ANLN: variants seen among roughly 807,000 people sequenced by gnomAD.
ANLN encodes anillin, actin binding protein.
ANLN carries 59 observed loss-of-function variants against 135.1 expected under a neutral mutation model. That is an observed-to-expected ratio of 0.44 (90% CI 0.35 to 0.54). The LOEUF is 0.54. Ranked by LOEUF, ANLN falls within the 20% of genes least tolerant of loss-of-function variation. The pLI, the probability that ANLN is intolerant of heterozygous loss-of-function variation, is 0.00. For synonymous variants in ANLN, 406 were observed against 456.4 expected, an observed-to-expected ratio of 0.89 and a Z score of 1.41; for missense variants, 1,182 against 1,340.0, an observed-to-expected ratio of 0.88 and a Z score of 1.84.
Position 36,389,910 on chromosome 7 carries a change from GT to G in ANLN, c.-115del, listed in dbSNP as rs1786346011. 6.3e-7 allele frequency: 1 copy of G among 1,586,114 alleles called. No individual in the cohort carries two copies. Among genetic ancestry groups the G allele is most frequent in the Non-Finnish European group, 8.6e-7 (1 of 1,158,298 alleles). ...GGAGAGGACAGCTGGTTGTGGGAGA[GT>G]TCCCCCGCCTCAGACTCCTGGTTTT... On this transcript the variant is annotated 5_prime_UTR_variant, in exon 1 of 24. Transcript: ENST00000265748.
intron 22 of ANLN, among the ~76,000 whole-genome samples, chr7:36,447,084 C>G (rs546360071): frequency 4.6e-5 from 7 of 152,310 alleles, no homozygotes; most frequent in Non-Finnish European, 8.8e-5. Context: ...ATGTCTTACA[C>G]CCACAAATTT....
intron 3 of ANLN, among the ~76,000 whole-genome samples, chr7:36,401,486 A>G (rs60432019): frequency 0.093 from 14,157 of 152,218 alleles, 778 homozygotes; most frequent in East Asian, 0.16. Context: ...TTACAGGCAC[A>G]TGCCATCACA....
At position 36,421,969 on chromosome 7, in the gene ANLN, C is replaced by T; in HGVS notation, c.2276C>T (p.Ala759Val). Residue 759 changes from alanine (A) to valine (V), a missense_variant, in exon 13 of 24, where the codon GCA becomes GTA. Coordinates refer to ENST00000265748, the MANE Select transcript of ANLN (RefSeq NM_018685.5). ...HGKGSLEEAE[A>V]ERLLLIATGK... ...AAAGGGTCCCTAGAAGAAGCTGAAG[C>T]AGAAAGACTTCTTCTAATTGCAAGT... 6.2e-7 allele frequency: 1 copy of T among 1,613,228 alleles called. No homozygotes were observed. The highest frequency in any genetic ancestry group is 8.5e-7 in the Non-Finnish European group (1 of 1,179,626).
rs1787677898 is a variant in ANLN, at chr7:36,417,157, G to A, written c.1600G>A (p.Val534Ile). 6.2e-7 allele frequency: 1 copy of A among 1,608,050 alleles called. No homozygotes were observed. Among genetic ancestry groups the A allele is most frequent in the Non-Finnish European group, 8.5e-7 (1 of 1,177,728 alleles). The change falls in exon 9 of 24, where the codon GTA becomes ATA. Residue 534 changes from valine to isoleucine, a missense_variant. Coordinates refer to ENST00000265748, the MANE Select transcript of ANLN (RefSeq NM_018685.5). ...LFLEEDKSLK[V>I]TSDPKVEQKI... ...TTTAGAAGAGGACAAATCCTTAAAA[G>A]TAACATCAGACCCAAAGGTTGAGCA...
intron 22 of ANLN, among the ~76,000 whole-genome samples, chr7:36,445,161 C>CTTTTTTTTTTTTTTTTTTTT (rs70977145): frequency 5.2e-5 from 3 of 57,822 alleles, no homozygotes; most frequent in Non-Finnish European, 9.5e-5. Context: ...ATTTGGGATT[C>CTTTTTTTTTTTTTTTTTTTT]TTTTTTTTTT....
intron 21 of ANLN, among the ~76,000 whole-genome samples, chr7:36,442,638 A>G (rs1048645807): frequency 3.3e-5 from 5 of 151,476 alleles, no homozygotes; most frequent in Admixed American, 2.0e-4. Flanking sequence ...TTATATTTTT[A>G]TATATTTTTT....
intron 3 of ANLN, among the ~76,000 whole-genome samples, chr7:36,403,205 A>G (rs1787034788): frequency 1.3e-5 from 2 of 152,340 alleles, no homozygotes; most frequent in South Asian, 4.1e-4. Flanking sequence ...TGAGAGATAC[A>G]GGAGACAAAC....
intron 14 of ANLN, among the ~76,000 whole-genome samples, chr7:36,423,071 C>T (rs1161164776): frequency 1.3e-5 from 2 of 152,070 alleles, no homozygotes; most frequent in Non-Finnish European, 2.9e-5. Flanking sequence ...TTTAAAGTTC[C>T]TTTTAAAATT....
intron 20 of ANLN, among the ~76,000 whole-genome samples, chr7:36,438,546 A>G (rs1235056342): frequency 6.6e-6 from 1 of 151,974 alleles, no homozygotes; most frequent in African/African-American, 2.4e-5. Context: ...TAATTTTTTC[A>G]TGTTTAATAG....
intron 22 of ANLN, among the ~76,000 whole-genome samples, chr7:36,448,319 T>G (rs1789102917): frequency 6.6e-6 from 1 of 152,158 alleles, no homozygotes; most frequent in African/African-American, 2.4e-5. Context: ...CCAGCCCTGT[T>G]TTGCATTTTA....
intron 22 of ANLN, among the ~76,000 whole-genome samples, chr7:36,444,398 A>G (rs1245146383): frequency 6.6e-6 from 1 of 152,028 alleles, no homozygotes; most frequent in Non-Finnish European, 1.5e-5. Context: ...CTCTTAAAAT[A>G]CCTTAACATG....
Position 36,425,997 on chromosome 7 carries a change from C to CT in ANLN, c.2749-3dup, listed in dbSNP as rs200742993. ...AATAACTTATGTTTCTTCTTCACAC[C>CT]TTTTTTTTTTTTTTTAGAAAAGCAA... On this transcript the variant is annotated splice_polypyrimidine_tract_variant and intron_variant, in intron 18 of 23. Coordinates refer to ENST00000265748, the MANE Select transcript of ANLN (RefSeq NM_018685.5). 80,012 of 1,318,168 alleles carry CT rather than the reference C, an allele frequency of 0.061. 317 individuals are homozygous for CT. The highest frequency in any genetic ancestry group is 0.22 in the East Asian group (8,867 of 39,464). 81.7% of individuals were successfully genotyped at this position (1,318,168 alleles called of 1,614,324 possible).
intron 22 of ANLN, among the ~76,000 whole-genome samples, chr7:36,448,601 T>C (rs1789113508): frequency 6.6e-6 from 1 of 152,196 alleles, no homozygotes; most frequent in Non-Finnish European, 1.5e-5. Flanking sequence ...CTCATTGATT[T>C]TGGCCTTTGA....
chr7:36,440,708 G>A (rs976201695), intron 21 of ANLN, among the ~76,000 whole-genome samples: 5 of 152,178 alleles, frequency 3.3e-5, no homozygotes, highest in Admixed American at 2.0e-4. Flanking sequence ...GCAAGGTCAT[G>A]AGAATGGGAA....
In ANLN at chr7:36,390,361, G is replaced by A. The variant is rs570832214; in HGVS notation, c.18+317G>A. ...GCAGTCCTGGCGCAGCAAGAGTGAG[G>A]CGCAGGCCTGCGGAACGGGTCCTGC... On this transcript the variant is annotated intron_variant, in intron 1 of 23. Transcript: ENST00000265748. The A allele has an allele frequency of 1.1e-4, 43 of 409,296 alleles. No individual in the cohort carries two copies. In the East Asian group the frequency reaches 1.7e-3, roughly 16 times the overall value. The allele number at this position is 409,296 out of a possible 1,614,324, so 25.4% of individuals were successfully genotyped here.
chr7:36,446,875 GTTTCCCTA>G (rs947388149), intron 22 of ANLN, among the ~76,000 whole-genome samples: 7 of 152,112 alleles, frequency 4.6e-5, no homozygotes, highest in African/African-American at 1.7e-4. Flanking sequence ...CCTTTGGTCT[GTTTCCCTA>G]TCCCAATCTC....
At chr7:36,444,289 CA>C (rs35434005) in intron 22 of ANLN, among the ~76,000 whole-genome samples, 49,955 of 132,224 alleles carry the variant, frequency 0.38, 8,358 homozygotes, top group East Asian at 0.48. Context: ...GACTCCATCT[CA>C]AAAAAAAAAA....
At chr7:36,421,474 T>G (rs1787874030) in intron 12 of ANLN, among the ~76,000 whole-genome samples, 1 of 152,056 alleles carries the variant, frequency 6.6e-6, no homozygotes, top group Admixed American at 6.5e-5. Context: ...TGCCTTGGAC[T>G]CCCAAAGTGC....
At chr7:36,406,719 T>C (rs1202301722) in intron 4 of ANLN, 153 bp downstream of exon 4, 2 of 816,982 alleles carry the variant, frequency 2.4e-6, no homozygotes, top group African/African-American at 3.5e-5. Flanking sequence ...TATCGGTTTC[T>C]TAGAAAGTGA....
Sources: gnomAD v4.1 joint callset for allele counts (sites outside exome capture counted in the v4.1 genomes callset) on GRCh38, gnomAD v4.1.1 for gene constraint, MANE v1.5 for transcripts, NCBI Gene and HGNC (gene_info 2026-07-23, HGNC 2026-07-21) for gene names.